Variants in KCNH1 observed in about 807,000 individuals in gnomAD.
KCNH1 encodes voltage-gated delayed rectifier potassium channel KCNH1.
Under a neutral mutation model 69.2 loss-of-function variants are expected in KCNH1, and 27 were observed. That is an observed-to-expected ratio of 0.39 (90% CI 0.29 to 0.54). KCNH1 has a LOEUF of 0.54. Ranked by LOEUF, KCNH1 falls within the 20% of genes least tolerant of loss-of-function variation. The pLI, the probability that KCNH1 is intolerant of heterozygous loss-of-function variation, is 0.68. For synonymous variants in KCNH1, 456 were observed against 487.7 expected (o/e 0.93, Z 0.86); for missense variants, 798 against 1,261.6 (o/e 0.63, Z 5.57).
intron 7 of KCNH1, chr1:210,858,058 G>T (rs1260482206): frequency 6.6e-6 from 1 of 151,120 alleles, no homozygotes; most frequent in Non-Finnish European, 1.5e-5. Context: ...GGCCAATGAG[G>T]AAAAATTGTC....
intron 6 of KCNH1, among the ~76,000 whole-genome samples, chr1:211,016,852 T>C (rs1689501073): frequency 7.3e-6 from 1 of 137,094 alleles, no homozygotes; most frequent in Non-Finnish European, 1.5e-5. Flanking sequence ...GAGGTTGTGG[T>C]GAGCTGAGAT....
intron 7 of KCNH1, among the ~76,000 whole-genome samples, chr1:210,808,746 A>G (rs933045556): frequency 6.6e-6 from 1 of 152,222 alleles, no homozygotes; most frequent in Admixed American, 6.5e-5. Context: ...CGTAACGTTT[A>G]ATTTATATTG....
intron 7 of KCNH1, among the ~76,000 whole-genome samples, chr1:210,901,061 C>T (rs897371028): frequency 2.0e-5 from 3 of 152,092 alleles, no homozygotes; most frequent in Non-Finnish European, 4.4e-5. Flanking sequence ...GACCAATCCT[C>T]TCTCTTTAGC....
chr1:210,955,370 G>A (rs1009074116), intron 6 of KCNH1, among the ~76,000 whole-genome samples: 1 of 152,178 alleles, frequency 6.6e-6, no homozygotes, highest in Non-Finnish European at 1.5e-5. Context: ...GCTTAGGATT[G>A]TCTTGGCTAT....
chr1:210,814,916 A>AGT lies in KCNH1; in HGVS notation c.1463-10752_1463-10751dup, dbSNP rs142975400. Among the ~76,000 whole-genome samples the AGT allele has an allele frequency of 3.0e-3, 457 of 152,278 alleles. 3 individuals are homozygous for AGT. The highest frequency in any genetic ancestry group is 0.01 in the African/African-American group (431 of 41,562). On this transcript the variant is annotated intron_variant, in intron 7 of 10. Coordinates refer to ENST00000271751, the MANE Select transcript of KCNH1 (RefSeq NM_172362.3). ...TTCTGGAGTGTGGAAATTTTGGTGG[A>AGT]GTCACTTCAGAGGCATCTTCCTCTG... is the stretch of plus-strand genomic sequence containing the variant.
At chr1:210,889,292 A>G (rs1456919106) in intron 7 of KCNH1, among the ~76,000 whole-genome samples, 2 of 152,194 alleles carry the variant, frequency 1.3e-5, no homozygotes, top group African/African-American at 4.8e-5. Context: ...AAACAGAACC[A>G]ATGACAAAAA....
intron 5 of KCNH1, among the ~76,000 whole-genome samples, chr1:211,039,038 C>T (rs547800136): frequency 2.0e-5 from 3 of 152,270 alleles, no homozygotes; most frequent in African/African-American, 7.2e-5. Context: ...CCATCATAGG[C>T]CCAGAGGCCC....
At chr1:210,966,015 G>A (rs1357542256) in intron 6 of KCNH1, among the ~76,000 whole-genome samples, 1 of 152,158 alleles carries the variant, frequency 6.6e-6, no homozygotes, top group Non-Finnish European at 1.5e-5. Flanking sequence ...AAAACAGCAT[G>A]GTACTGGTAC....
At chr1:210,763,303 A>G (rs1315693967) in intron 10 of KCNH1, among the ~76,000 whole-genome samples, 1 of 152,162 alleles carries the variant, frequency 6.6e-6, no homozygotes, top group East Asian at 1.9e-4. Flanking sequence ...ATTCGCCCTA[A>G]GAACTAGAAC....
At chr1:210,701,833 G>A (rs763989216) in intron 10 of KCNH1, among the ~76,000 whole-genome samples, 14 of 151,988 alleles carry the variant, frequency 9.2e-5, no homozygotes, top group Non-Finnish European at 1.8e-4. Flanking sequence ...TTCCAGGCCT[G>A]GGATCTCCCT....
At chr1:210,996,988 C>T (rs1251231563) in intron 6 of KCNH1, among the ~76,000 whole-genome samples, 1 of 152,200 alleles carries the variant, frequency 6.6e-6, no homozygotes, top group Non-Finnish European at 1.5e-5. Flanking sequence ...ACAGAAAAGA[C>T]ATCCACACCA....
chr1:211,048,224 A>G (rs1398536621), intron 5 of KCNH1, among the ~76,000 whole-genome samples: 2 of 152,234 alleles, frequency 1.3e-5, no homozygotes, highest in Non-Finnish European at 2.9e-5. Flanking sequence ...ACACTTTTAC[A>G]CTGCCGGTGT....
At chr1:210,909,198 T>C (rs1472075487) in intron 7 of KCNH1, among the ~76,000 whole-genome samples, 1 of 152,268 alleles carries the variant, frequency 6.6e-6, no homozygotes, top group African/African-American at 2.4e-5. Flanking sequence ...GTATCCTCAT[T>C]GGAAGATTTT....
At chr1:211,065,674 A>G (rs1305232239) in intron 5 of KCNH1, among the ~76,000 whole-genome samples, 1 of 152,188 alleles carries the variant, frequency 6.6e-6, no homozygotes, top group Non-Finnish European at 1.5e-5. Flanking sequence ...GAGGTGACAC[A>G]TATGTTAGTT....
chr1:210,707,377 A>G (rs1681940157), intron 10 of KCNH1, among the ~76,000 whole-genome samples: 1 of 152,110 alleles, frequency 6.6e-6, no homozygotes, highest in South Asian at 2.1e-4. Context: ...GCAGGCGGGC[A>G]TTTACCCTGG....
chr1:210,932,853 A>T (rs943511979), intron 6 of KCNH1, among the ~76,000 whole-genome samples: 1 of 152,196 alleles, frequency 6.6e-6, no homozygotes, highest in African/African-American at 2.4e-5. Flanking sequence ...GCTCTCAGAT[A>T]TATAAAGCAA....
chr1:211,069,637 ATC>A (rs1690598875), intron 5 of KCNH1, among the ~76,000 whole-genome samples: 3 of 152,200 alleles, frequency 2.0e-5, no homozygotes, highest in Admixed American at 1.3e-4. Flanking sequence ...TGAGGAAAGA[ATC>A]TCTGTGCTTG....
chr1:210,806,210 T>C (rs1029066425), intron 7 of KCNH1, among the ~76,000 whole-genome samples: 4 of 152,234 alleles, frequency 2.6e-5, no homozygotes, highest in Non-Finnish European at 4.4e-5. Context: ...AGTGTCTCAA[T>C]ATCCTCATTA....
chr1:211,130,309 A>G (rs1284272416), intron 1 of KCNH1, among the ~76,000 whole-genome samples: 1 of 152,234 alleles, frequency 6.6e-6, no homozygotes, highest in Non-Finnish European at 1.5e-5. Flanking sequence ...CTTTCCTTAA[A>G]TGGGATTCAA....
Sources: gnomAD v4.1 joint callset for allele counts (sites outside exome capture counted in the v4.1 genomes callset) on GRCh38, gnomAD v4.1.1 for gene constraint, MANE v1.5 for transcripts, NCBI Gene and HGNC (gene_info 2026-07-23, HGNC 2026-07-21) for gene names.